SFTPA1: variants seen among roughly 807,000 people sequenced by gnomAD.
SFTPA1 encodes the protein surfactant protein A1, also known as pulmonary surfactant-associated protein A1.
Under a neutral mutation model 19.1 loss-of-function variants are expected in SFTPA1, and 13 were observed. The observed-to-expected ratio is 0.68, with a 90% CI of 0.44 to 1.08. The LOEUF is 1.08. Among genes scored for constraint, SFTPA1 ranks in the 50% least tolerant of loss-of-function variants. SFTPA1 has a pLI of 0.00. For missense variants in SFTPA1, 259 were observed against 316.4 expected, an observed-to-expected ratio of 0.82 and a Z score of 1.38; for synonymous variants, 101 against 117.0, an observed-to-expected ratio of 0.86 and a Z score of 0.88.
Position 79,613,128 on chromosome 10 carries a change from T to C in SFTPA1, c.293-61T>C, listed in dbSNP as rs370648967. The C allele has an allele frequency of 1.3e-3, 2,121 of 1,613,104 alleles. 2 individuals carry two copies. The highest frequency in any genetic ancestry group is 1.7e-3 in the Non-Finnish European group (1,984 of 1,179,550). ...GATTGCAGATGGCAAAACACCTGCGTGGCAGCAAGTGGGAGTCTTCACTGG... is the reference window on the plus strand; with the variant it reads ...GATTGCAGATGGCAAAACACCTGCGCGGCAGCAAGTGGGAGTCTTCACTGG... On this transcript the variant is annotated intron_variant, in intron 4 of 5. Coordinates refer to ENST00000398636, the MANE Select transcript of SFTPA1 (RefSeq NM_005411.5).
Position 79,611,330 on chromosome 10 carries a change from C to A in SFTPA1, c.-83C>A, listed in dbSNP as rs573093294. 67 of 396,198 alleles carry A rather than the reference C, an allele frequency of 1.7e-4. No homozygotes were observed. The highest frequency in any genetic ancestry group is 2.1e-4 in the Non-Finnish European group (47 of 221,076). The allele number at this position is 396,198 out of a possible 1,614,324, so 24.5% of individuals were successfully genotyped here. The stretch of plus-strand genomic sequence containing the variant: ...TTTTTCATTCTCAGGTCGCTGATTT[C>A]TTGGAGCCTGAAAAGAAAGTAACAC... On this transcript the variant is annotated 5_prime_UTR_variant, in exon 2 of 6. Coordinates refer to ENST00000398636, the MANE Select transcript of SFTPA1 (RefSeq NM_005411.5).
In SFTPA1 at chr10:79,612,133, G is replaced by A. The variant is rs547095083; in HGVS notation, c.172+136G>A. 20 of 1,590,516 alleles carry A rather than the reference G, an allele frequency of 1.3e-5. No individual in the cohort carries two copies. In the East Asian group the frequency reaches 4.5e-4, roughly 36 times the overall value. Reference sequence around the variant, plus strand: ...AGCTGGGTGGGACTTCAGTCTGCAGGGCTGGTGGGTTCCTGGGGCCCTTAT... The same window carrying A: ...AGCTGGGTGGGACTTCAGTCTGCAGAGCTGGTGGGTTCCTGGGGCCCTTAT... On this transcript the variant is annotated intron_variant, in intron 3 of 5. Transcript: ENST00000398636.
chr10:79,614,911 T>G lies in SFTPA1; in HGVS notation c.*798T>G. 1 of 1,119,198 alleles carries G rather than the reference T, an allele frequency of 8.9e-7. No homozygotes were observed. Among genetic ancestry groups the G allele is most frequent in the South Asian group, 1.4e-5 (1 of 69,500 alleles). The allele number at this position is 1,119,198 out of a possible 1,614,324, so 69.3% of individuals were successfully genotyped here. A position where few individuals can be genotyped will look rare whatever the true frequency, so the allele number is the denominator to read the frequency against. ...GCATTCACACCACCCCCCACACCAC[T>G]GGCTCTGCTTTCTCCTTTCATTAAT... is the stretch of plus-strand genomic sequence containing the variant. On this transcript the variant is annotated 3_prime_UTR_variant, in exon 6 of 6. Coordinates refer to ENST00000398636, the MANE Select transcript of SFTPA1 (RefSeq NM_005411.5).
chr10:79,613,758 T>C lies in SFTPA1; in HGVS notation c.392T>C (p.Ile131Thr). ...TCAGCCCTCAGTCTGCAGGGCTCCA[T>C]AATGACAGTAGGAGAGAAGGTCTTC... ...TRGALSLQGS[I>T]MTVGEKVFSS... The change falls in exon 6 of 6, where the codon ATA becomes ACA. Residue 131 changes from isoleucine to threonine, a missense_variant. Transcript: ENST00000398636. The C allele has an allele frequency of 6.2e-7, 1 of 1,613,904 alleles. No homozygotes were observed.
At position 79,612,324 on chromosome 10, in the gene SFTPA1, C is replaced by T. The variant is rs151242911; in HGVS notation, c.185C>T (p.Pro62Leu). 6,639 of 1,613,882 alleles carry T rather than the reference C, an allele frequency of 4.1e-3. 15 individuals are homozygous for T. Among genetic ancestry groups the T allele is most frequent in the Non-Finnish European group, 5.1e-3 (6,050 of 1,179,884 alleles). The change falls in exon 4 of 6, where the codon CCA (proline) becomes CTA (leucine). Residue 62 changes from proline to leucine, a missense_variant. Physicochemically the swap from Pro to Leu is moderately conservative, Grantham distance 98. Coordinates refer to ENST00000398636, the MANE Select transcript of SFTPA1 (RefSeq NM_005411.5). Reference sequence around the variant, plus strand: ...CTTTTCTCTGCAGGCCCCATGGGTCCACCTGGAGAAATGCCATGTCCTCCT... The same window carrying T: ...CTTTTCTCTGCAGGCCCCATGGGTCTACCTGGAGAAATGCCATGTCCTCCT... ...GDPGPPGPMG[P>L]PGEMPCPPGN...
intron 3 of SFTPA1, 111 bp downstream of exon 3, chr10:79,612,108 A>G (rs1282960982): frequency 1.7e-5 from 27 of 1,582,476 alleles, no homozygotes; most frequent in Non-Finnish European, 2.2e-5. Context: ...GGCTATAGTA[A>G]GCTGGGTGGG....
chr10:79,614,379 G>A lies in SFTPA1; in HGVS notation c.*266G>A. 1 of 574,890 alleles carries A rather than the reference G, an allele frequency of 1.7e-6. No homozygotes were observed. The highest frequency in any genetic ancestry group is 3.1e-6 in the Non-Finnish European group (1 of 325,676). 35.6% of individuals were successfully genotyped at this position (574,890 alleles called of 1,614,324 possible). ...CTCTTAGCCTTGGCCTTCGACATGA[G>A]ATGGAGCCCTCCTTATTCCCCATCT... On this transcript the variant is annotated 3_prime_UTR_variant, in exon 6 of 6. Transcript: ENST00000398636.
chr10:79,612,624 G>T (rs1859925068), intron 4 of SFTPA1, among the ~76,000 whole-genome samples, 193 bp downstream of exon 4: 1 of 152,180 alleles, frequency 6.6e-6, no homozygotes, highest in African/African-American at 2.4e-5. Context: ...TCAGGGAAAG[G>T]CAGGTGTGGG....
intron 4 of SFTPA1, among the ~76,000 whole-genome samples, chr10:79,612,919 C>T (rs1410418363): frequency 2.0e-5 from 3 of 151,858 alleles, no homozygotes; most frequent in Non-Finnish European, 2.9e-5. Flanking sequence ...CCCACAGAGG[C>T]GGGCAGACAG....
intron 3 of SFTPA1, 61 bp from the exon 4 acceptor site, chr10:79,612,251 C>G (rs1458964358): frequency 6.2e-7 from 1 of 1,613,398 alleles, no homozygotes; most frequent in African/African-American, 1.3e-5. Context: ...CATCGAGTCT[C>G]ACTAGCTCCA....
chr10:79,615,269 T>A lies in SFTPA1; in HGVS notation c.*1156T>A, dbSNP rs151108646. 18 of 365,774 alleles carry A rather than the reference T, an allele frequency of 4.9e-5. No individual in the cohort carries two copies. The highest frequency in any genetic ancestry group is 1.1e-3 in the Middle Eastern group (1 of 930). The allele number at this position is 365,774 out of a possible 1,614,324, so 22.7% of individuals were successfully genotyped here. On this transcript the variant is annotated 3_prime_UTR_variant, in exon 6 of 6. Coordinates refer to ENST00000398636, the MANE Select transcript of SFTPA1 (RefSeq NM_005411.5). ...GGACCAGTATTGTTTCCTCATTTTT[T>A]ATAAGGACACTGAAGCTTGGAGGAG...
Position 79,611,883 on chromosome 10 carries a change from T to C in SFTPA1, c.58T>C (p.Cys20Arg). ...LILMAASGAV[C>R]EVKDVCVGSP... The stretch of plus-strand genomic sequence containing the variant: ...CTTGATGGCAGCCTCTGGTGCTGTG[T>C]GCGAAGTGAAGGACGTTTGTGTTGG... Residue 20 changes from cysteine to arginine, a missense_variant, in exon 3 of 6, where the codon TGC (cysteine) becomes CGC (arginine). Cys to Arg is a radical substitution (Grantham distance 180). Transcript: ENST00000398636. The C allele has an allele frequency of 6.2e-7, 1 of 1,613,990 alleles. No homozygotes were observed.
intron 5 of SFTPA1, 96 bp from the exon 6 acceptor site, chr10:79,613,641 G>A: frequency 3.8e-6 from 6 of 1,597,084 alleles, no homozygotes; most frequent in Non-Finnish European, 5.1e-6. Flanking sequence ...CAGAGATGGA[G>A]AGACTGGGGA....
In SFTPA1 at chr10:79,611,817, C is replaced by T. The variant is rs769937444; in HGVS notation, c.-9C>T. ...CCCTCCTGCAGGAGCAGCGACTGGACCCAGAGCCATGTGGCTGTGCCCTCT... is the reference window on the plus strand; with the variant it reads ...CCCTCCTGCAGGAGCAGCGACTGGATCCAGAGCCATGTGGCTGTGCCCTCT... On this transcript the variant is annotated 5_prime_UTR_variant, in exon 3 of 6. Transcript: ENST00000398636. 45 of 1,613,914 alleles carry T rather than the reference C, an allele frequency of 2.8e-5. No individual in the cohort carries two copies. Among genetic ancestry groups the T allele is most frequent in the Non-Finnish European group, 3.5e-5 (41 of 1,179,886 alleles).
At position 79,613,686 on chromosome 10, in the gene SFTPA1, G is replaced by A. The variant is rs4253525; in HGVS notation, c.371-51G>A. On this transcript the variant is annotated intron_variant, in intron 5 of 5. Coordinates refer to ENST00000398636, the MANE Select transcript of SFTPA1 (RefSeq NM_005411.5). ...AGCAGAGACCCCAGGTGAGGGAGGTGGCTTAGAGACAAAGTGGTCAGTGGC... is the reference window on the plus strand; with the variant it reads ...AGCAGAGACCCCAGGTGAGGGAGGTAGCTTAGAGACAAAGTGGTCAGTGGC... 130 of 1,613,750 alleles carry A rather than the reference G, an allele frequency of 8.1e-5. No individual in the cohort carries two copies. The African/African-American group carries it at 1.6e-3, about 20-fold the overall frequency.
intron 2 of SFTPA1, 105 bp from the exon 3 acceptor site, chr10:79,611,698 C>T (rs903050491): frequency 2.6e-5 from 41 of 1,601,136 alleles, no homozygotes; most frequent in African/African-American, 2.5e-4. Context: ...TGGTCTCGCC[C>T]GCCCTGCCTC....
At position 79,611,891 on chromosome 10, in the gene SFTPA1, G is replaced by C; in HGVS notation, c.66G>C (p.Val22=). 6.2e-7 allele frequency: 1 copy of C among 1,614,000 alleles called. No homozygotes were observed. Among genetic ancestry groups the C allele is most frequent in the South Asian group, 1.1e-5 (1 of 91,084 alleles). The stretch of plus-strand genomic sequence containing the variant: ...CAGCCTCTGGTGCTGTGTGCGAAGT[G>C]AAGGACGTTTGTGTTGGAAGCCCTG... ...LMAASGAVCE[V]KDVCVGSPGI... Residue 22 remains valine (V), a synonymous_variant, in exon 3 of 6, where the codon GTG becomes GTC. Coordinates refer to ENST00000398636, the MANE Select transcript of SFTPA1 (RefSeq NM_005411.5).
rs1307139364 is a variant in SFTPA1, at chr10:79,614,346, G to A, written c.*233G>A. 1.8e-5 allele frequency: 12 copies of A among 666,340 alleles called. No individual in the cohort carries two copies. Among genetic ancestry groups the A allele is most frequent in the Middle Eastern group, 4.2e-4 (1 of 2,404 alleles). The allele number at this position is 666,340 out of a possible 1,614,324, so 41.3% of individuals were successfully genotyped here. On this transcript the variant is annotated 3_prime_UTR_variant, in exon 6 of 6. Coordinates refer to ENST00000398636, the MANE Select transcript of SFTPA1 (RefSeq NM_005411.5). ...CAAACTCTCCCAGCACTGCACCCCA[G>A]GCAGCCACTCTTAGCCTTGGCCTTC...
At chr10:79,612,771 G>A (rs935498977) in intron 4 of SFTPA1, among the ~76,000 whole-genome samples, 6 of 152,108 alleles carry the variant, frequency 3.9e-5, no homozygotes, top group Non-Finnish European at 7.4e-5. Flanking sequence ...TGCGGACGAG[G>A]CATCCAGACA....
Sources: allele counts gnomAD v4.1 joint callset (sites outside exome capture counted in the v4.1 genomes callset), GRCh38; gene constraint gnomAD v4.1.1; transcripts MANE v1.5; gene names NCBI Gene and HGNC (gene_info 2026-07-23, HGNC 2026-07-21).